C3orf49: variants seen among roughly 807,000 people sequenced by gnomAD.
C3orf49 encodes the protein chromosome 3 open reading frame 49, also known as putative uncharacterized protein C3orf49.
C3orf49 carries 27 observed loss-of-function variants against 13.3 expected under a neutral mutation model. That is an observed-to-expected ratio of 2.02 (90% CI 1.49 to 2.79). The LOEUF (loss-of-function observed/expected upper bound fraction) is 2.79, where lower values mean the gene tolerates loss of function less well. Ranked by LOEUF, C3orf49 falls within the 30% of genes most tolerant of loss-of-function variation. The pLI is 0.00. For missense variants in C3orf49, 242 were observed against 134.2 expected (o/e 1.80, Z -3.97); for synonymous variants, 87 against 47.6 (o/e 1.83, Z -3.40).
the C3orf49 span, among the ~76,000 whole-genome samples, chr3:63,813,599 C>T: frequency 0.081 from 12,393 of 152,232 alleles, 1,199 homozygotes; most frequent in African/African-American, 0.23. Flanking sequence ...GTTGGCTCTT[C>T]GAAGACACTT....
the C3orf49 span, among the ~76,000 whole-genome samples, chr3:63,791,723 A>T: frequency 5.3e-5 from 8 of 152,362 alleles, no homozygotes; most frequent in East Asian, 5.8e-4. Flanking sequence ...GCCATGCTAT[A>T]TTCCAGTTGT....
In C3orf49 at chr3:63,831,176, A is replaced by G. The variant is rs1036101469; in HGVS notation, c.637A>G (p.Asn213Asp). 1.3e-5 allele frequency: 9 copies of G among 702,938 alleles called. No individual in the cohort carries two copies. The highest frequency in any genetic ancestry group is 5.2e-5 in the African/African-American group (3 of 57,258). The allele number at this position is 702,938 out of a possible 1,614,324, so 43.5% of individuals were successfully genotyped here. The stretch of plus-strand genomic sequence containing the variant: ...TAAAAAAAAGAAGCGTGGCATGGAA[A>G]ACATCCTTCGAAAATCAGATTTGAC... ...ALKKKKRGME[N>D]ILRKSDLTVG... Residue 213 changes from asparagine to aspartate, a missense_variant, in exon 4 of 7, where the codon AAC (asparagine) becomes GAC (aspartate). Asn to Asp is a conservative substitution (Grantham distance 23). Coordinates refer to ENST00000295896, the MANE Select transcript of C3orf49 (RefSeq NM_001355236.2).
chr3:63,827,805 C>G (rs1001079223), intron 3 of C3orf49, 80 bp downstream of exon 3: 1 of 661,276 alleles, frequency 1.5e-6, no homozygotes, highest in Non-Finnish European at 2.7e-6. Flanking sequence ...CAAGTTCTGT[C>G]CTACCATGAG....
the C3orf49 span, among the ~76,000 whole-genome samples, chr3:63,806,719 T>A: frequency 6.6e-6 from 1 of 152,128 alleles, no homozygotes; most frequent in Admixed American, 6.5e-5. Flanking sequence ...ATTTTTAACT[T>A]CCTAACATTC....
intron 5 of C3orf49, among the ~76,000 whole-genome samples, chr3:63,842,993 G>T (rs999624423): frequency 4.0e-5 from 6 of 151,524 alleles, no homozygotes; most frequent in African/African-American, 1.2e-4. Context: ...TCACCATGCT[G>T]CCCAGGCTGG....
At chr3:63,782,904 A>G in the C3orf49 span, 1 of 152,246 alleles carries the variant, frequency 6.6e-6, no homozygotes, top group Non-Finnish European at 1.5e-5. Context: ...GAAGGTGTTA[A>G]GAACACTTCA....
intron 1 of C3orf49, among the ~76,000 whole-genome samples, chr3:63,820,049 C>T (rs1188887601): frequency 6.6e-6 from 1 of 152,156 alleles, no homozygotes; most frequent in African/African-American, 2.4e-5. Context: ...TTTAATGTAA[C>T]GTTAAAACTG....
intron 5 of C3orf49, chr3:63,839,745 A>G (rs756550008): frequency 6.2e-7 from 1 of 1,613,200 alleles, no homozygotes; most frequent in Non-Finnish European, 8.5e-7. Context: ...CATCTCCATC[A>G]ATGAGGAGAC....
intron 5 of C3orf49, among the ~76,000 whole-genome samples, chr3:63,841,366 G>A (rs1046404237): frequency 6.6e-6 from 1 of 152,104 alleles, no homozygotes; most frequent in Non-Finnish European, 1.5e-5. Flanking sequence ...GTAGAATTTG[G>A]GGGGTTTTCT....
At chr3:63,836,220 G>C in intron 5 of C3orf49, 1 of 1,322,756 alleles carries the variant, frequency 7.6e-7, no homozygotes. Flanking sequence ...ATTTATTTCT[G>C]CAAAAATGAA....
chr3:63,782,139 T>C, the C3orf49 span, among the ~76,000 whole-genome samples: 11 of 152,166 alleles, frequency 7.2e-5, no homozygotes, highest in Non-Finnish European at 1.5e-4. Flanking sequence ...GAATCTCCCT[T>C]GAGGATAGAG....
At position 63,823,590 on chromosome 3, in the gene C3orf49, T is replaced by A. The variant is rs755913583; in HGVS notation, c.445+21T>A. On this transcript the variant is annotated intron_variant, in intron 2 of 6. Transcript: ENST00000295896. ...GAATGGTAATCATATTTGGGCAATTTGTCTTTGGGTTGAGGCCAAGAGGAA... is the reference window on the plus strand; with the variant it reads ...GAATGGTAATCATATTTGGGCAATTAGTCTTTGGGTTGAGGCCAAGAGGAA... The A allele has an allele frequency of 1.3e-5, 9 of 685,980 alleles. No individual in the cohort carries two copies. The South Asian group carries it at 1.4e-4, about 11-fold the overall frequency. The allele number at this position is 685,980 out of a possible 1,614,324, so 42.5% of individuals were successfully genotyped here. A position where few individuals can be genotyped will look rare whatever the true frequency, so the allele number is the denominator to read the frequency against.
At chr3:63,788,652 GTTCT>G in the C3orf49 span, among the ~76,000 whole-genome samples, 2 of 151,442 alleles carry the variant, frequency 1.3e-5, no homozygotes, top group South Asian at 2.1e-4. Flanking sequence ...AGACACAGTC[GTTCT>G]TTCTTTCTTT....
At chr3:63,837,899 C>T in intron 5 of C3orf49, 11 of 1,319,740 alleles carry the variant, frequency 8.3e-6, no homozygotes, top group South Asian at 3.0e-5. Context: ...CAGATTTTAC[C>T]TCACAACATT....
chr3:63,804,075 G>GA, the C3orf49 span, among the ~76,000 whole-genome samples: 1 of 152,162 alleles, frequency 6.6e-6, no homozygotes, highest in East Asian at 1.9e-4. Flanking sequence ...TGCCGCCACT[G>GA]ATCTGACAGG....
intron 5 of C3orf49, chr3:63,838,239 C>A: frequency 1.1e-6 from 1 of 910,536 alleles, no homozygotes; most frequent in East Asian, 2.7e-5. Context: ...TTATAGCTAA[C>A]ATTTACTGTA....
At chr3:63,792,223 A>G in the C3orf49 span, among the ~76,000 whole-genome samples, 4 of 152,374 alleles carry the variant, frequency 2.6e-5, no homozygotes, top group East Asian at 7.7e-4. Context: ...TGAAGTAAAC[A>G]ACTGCCCCAA....
the C3orf49 span, among the ~76,000 whole-genome samples, chr3:63,787,981 A>T: frequency 6.6e-6 from 1 of 152,208 alleles, no homozygotes; most frequent in South Asian, 2.1e-4. Context: ...AAGCTTGGGA[A>T]TTGGAAATGT....
intron 1 of C3orf49, among the ~76,000 whole-genome samples, chr3:63,822,733 G>A (rs1386001463): frequency 4.6e-5 from 7 of 152,214 alleles, no homozygotes; most frequent in African/African-American, 1.7e-4. Flanking sequence ...ATCTAAATGA[G>A]TGTTTTATGT....
Sources: gnomAD v4.1 joint callset for allele counts (sites outside exome capture counted in the v4.1 genomes callset) on GRCh38, gnomAD v4.1.1 for gene constraint, MANE v1.5 for transcripts, NCBI Gene and HGNC (gene_info 2026-07-23, HGNC 2026-07-21) for gene names.